TRMT44: variants seen among roughly 807,000 people sequenced by gnomAD.
TRMT44 encodes the protein tRNA methyltransferase 44 homolog.
In TRMT44, 78 loss-of-function variants were observed where a neutral mutation model predicts 77.3. The observed-to-expected ratio is 1.01, with a 90% CI of 0.84 to 1.22. The LOEUF (loss-of-function observed/expected upper bound fraction) is 1.22, where lower values mean the gene tolerates loss of function less well. Ranked by LOEUF, TRMT44 falls within the 50% of genes most tolerant of loss-of-function variation. The pLI is 0.00. For missense variants in TRMT44, 1,090 were observed against 964.4 expected (o/e 1.13, Z -1.73); for synonymous variants, 391 against 383.3 (o/e 1.02, Z -0.23).
rs1338786451 is a variant in TRMT44, at chr4:8,461,824, T to C, written c.1204-2161T>C. On this transcript the variant is annotated intron_variant, in intron 6 of 10. Coordinates refer to ENST00000389737, the MANE Select transcript of TRMT44 (RefSeq NM_152544.3). The surrounding 1 kb of genome is among the most constrained non-coding windows in gnomAD (Gnocchi z 4.6). ...CATGGCCAGAATGAGGGTGGTTCCG[T>C]TGACGTGCACATGGTGTTTGTGGAT... Among the ~76,000 whole-genome samples, 1 of 152,214 alleles carries C rather than the reference T, an allele frequency of 6.6e-6. No individual in the cohort carries two copies. The highest frequency in any genetic ancestry group is 1.9e-4 in the East Asian group (1 of 5,194).
chr4:8,483,419 G>GGT (rs1553863250), intron 2 of TRMT44, among the ~76,000 whole-genome samples: 2 of 150,042 alleles, frequency 1.3e-5, no homozygotes, highest in Non-Finnish European at 3.0e-5. Flanking sequence ...AGTTTTTTTG[G>GGT]GGGGGGGCAC....
At chr4:8,510,117 G>A in the TRMT44 span, 1 of 152,570 alleles carries the variant, frequency 6.6e-6, no homozygotes, top group Admixed American at 6.5e-5. Flanking sequence ...CAAATCACCA[G>A]GACCTCAGCA....
At chr4:8,457,061 A>G (rs1725857611) in intron 6 of TRMT44, among the ~76,000 whole-genome samples, 1 of 148,930 alleles carries the variant, frequency 6.7e-6, no homozygotes, top group Admixed American at 6.8e-5. Context: ...AACATTGTAA[A>G]AAGAAAATCA....
chr4:8,477,640 C>G (rs932103329), downstream of TRMT44: 2 of 152,768 alleles, frequency 1.3e-5, no homozygotes, highest in Admixed American at 1.3e-4. Flanking sequence ...GCCGCAGAGC[C>G]GCATCCCTTC....
At chr4:8,494,798 C>CTT (rs112868310), downstream of TRMT44, among the ~76,000 whole-genome samples, 2 of 147,612 alleles carry the variant, frequency 1.4e-5, no homozygotes, top group African/African-American at 2.5e-5. Flanking sequence ...AGGTATGAAG[C>CTT]TTTTTTTTTT....
At chr4:8,505,283 G>T in the TRMT44 span, among the ~76,000 whole-genome samples, 1 of 152,224 alleles carries the variant, frequency 6.6e-6, no homozygotes, top group Admixed American at 6.5e-5. Context: ...TGCAGCCCCT[G>T]AGGAGGTGGC....
rs895693804 is a variant in TRMT44, at chr4:8,452,545, G to A, written c.1024-337G>A. Among the ~76,000 whole-genome samples, 1 of 152,180 alleles carries A rather than the reference G, an allele frequency of 6.6e-6. No homozygotes were observed. The highest frequency in any genetic ancestry group is 1.5e-5 in the Non-Finnish European group (1 of 68,034). On this transcript the variant is annotated intron_variant, in intron 4 of 10. Coordinates refer to ENST00000389737, the MANE Select transcript of TRMT44 (RefSeq NM_152544.3). The surrounding 1 kb of genome is among the most constrained non-coding windows in gnomAD (Gnocchi z 5.7). ...AGGTCAGGAGTTTGAGACCAGCCTG[G>A]CCAACATGGTGAAACCCTGTCTCTA... is the stretch of plus-strand genomic sequence containing the variant.
Position 8,475,796 on chromosome 4 carries a change from G to C in TRMT44, c.2069G>C (p.Arg690Pro), listed in dbSNP as rs989786284. The change falls in exon 11 of 11, where the codon CGC (arginine) becomes CCC (proline). Residue 690 changes from arginine (R) to proline (P), a missense_variant. Coordinates refer to ENST00000389737, the MANE Select transcript of TRMT44 (RefSeq NM_152544.3). ...GTTGTGAATGGGAGAGTTCACATCC[G>C]CGACTGGCGAGAGGAGACACTGTGG... ...FQVVNGRVHI[R>P]DWREETLWKT... The C allele has an allele frequency of 8.1e-6, 13 of 1,614,130 alleles. No individual in the cohort carries two copies. The highest frequency in any genetic ancestry group is 1.1e-5 in the Non-Finnish European group (13 of 1,180,038).
intron 5 of TRMT44, among the ~76,000 whole-genome samples, chr4:8,453,210 C>T (rs917123426): frequency 2.6e-5 from 4 of 152,204 alleles, no homozygotes; most frequent in Non-Finnish European, 5.9e-5. Flanking sequence ...AGGAAGTCCC[C>T]GGGCCCCGGC....
the TRMT44 span, among the ~76,000 whole-genome samples, chr4:8,516,441 C>A: frequency 6.6e-6 from 1 of 152,286 alleles, no homozygotes; most frequent in African/African-American, 2.4e-5. Flanking sequence ...AATCAACAAG[C>A]CTAATTCTCC....
In TRMT44 at chr4:8,476,410, A is replaced by C. The variant is rs926618746; in HGVS notation, c.*409A>C. ...GGGGCTCCTCGAGAAGTAAGACCGT[A>C]TCTGCCAGCGTTTCTCACCACACTG... On this transcript the variant is annotated 3_prime_UTR_variant, in exon 11 of 11. Transcript: ENST00000389737. 2.5e-5 allele frequency: 5 copies of C among 198,208 alleles called. No homozygotes were observed. Among genetic ancestry groups the C allele is most frequent in the African/African-American group, 1.2e-4 (5 of 43,348 alleles). The allele number at this position is 198,208 out of a possible 1,614,324, so 12.3% of individuals were successfully genotyped here.
intron 6 of TRMT44, among the ~76,000 whole-genome samples, chr4:8,460,622 C>T (rs903410939): frequency 2.0e-5 from 3 of 151,160 alleles, no homozygotes; most frequent in Non-Finnish European, 4.4e-5. Flanking sequence ...GGCGTGATCT[C>T]GGCTCACTGC....
downstream of TRMT44, among the ~76,000 whole-genome samples, chr4:8,480,273 TG>T (rs958685926): frequency 6.6e-6 from 1 of 152,188 alleles, no homozygotes; most frequent in African/African-American, 2.4e-5. Flanking sequence ...AAAGTACACT[TG>T]GAAGAGACCC....
At chr4:8,472,460 G>GA (rs1307668233) in intron 10 of TRMT44, among the ~76,000 whole-genome samples, 1 of 152,242 alleles carries the variant, frequency 6.6e-6, no homozygotes, top group Non-Finnish European at 1.5e-5. Flanking sequence ...CCCTGCCCAT[G>GA]AAGTAGCCGT....
At chr4:8,495,841 C>T (rs2109242368), downstream of TRMT44, among the ~76,000 whole-genome samples, 1 of 152,300 alleles carries the variant, frequency 6.6e-6, no homozygotes, top group Non-Finnish European at 1.5e-5. Context: ...CATGAAAGTA[C>T]CTCTGATTGG....
chr4:8,459,866 G>A (rs956140731), intron 6 of TRMT44, among the ~76,000 whole-genome samples: 1 of 152,236 alleles, frequency 6.6e-6, no homozygotes, highest in Non-Finnish European at 1.5e-5. Context: ...GTGTGCAGCA[G>A]GTTCGAGGGT....
the TRMT44 span, chr4:8,511,098 C>G: frequency 6.6e-6 from 1 of 152,254 alleles, no homozygotes; most frequent in Non-Finnish European, 1.5e-5. Context: ...ACTGGTTACT[C>G]CAATCTGGTC....
At chr4:8,476,875 CT>C (rs1727418289), downstream of TRMT44, 1 of 152,218 alleles carries the variant, frequency 6.6e-6, no homozygotes, top group Admixed American at 6.5e-5. Context: ...TGTCAAGTGA[CT>C]GGGACTGTAG....
At chr4:8,448,919 G>A (rs1026111664) in intron 2 of TRMT44, among the ~76,000 whole-genome samples, 36 of 152,220 alleles carry the variant, frequency 2.4e-4, no homozygotes, top group Admixed American at 2.6e-4. Flanking sequence ...AGGAATGTCC[G>A]TTGAATGTCA....
Sources: gnomAD v4.1 joint callset for allele counts (sites outside exome capture counted in the v4.1 genomes callset) on GRCh38, gnomAD v4.1.1 for gene constraint, Gnocchi (gnomAD v3.1) non-coding constraint, MANE v1.5 for transcripts, NCBI Gene and HGNC (gene_info 2026-07-23, HGNC 2026-07-21) for gene names.